Variants in INTS2 observed in about 807,000 individuals in gnomAD.
INTS2 encodes the protein integrator complex subunit 2.
INTS2 carries 57 observed loss-of-function variants against 139.6 expected under a neutral mutation model. The observed-to-expected ratio is 0.41, with a 90% confidence interval of 0.33 to 0.51. The LOEUF is 0.51. INTS2 is among the 20% of genes least tolerant of loss of function. INTS2 has a pLI of 0.28. For synonymous variants in INTS2, 473 were observed against 493.4 expected, an observed-to-expected ratio of 0.96 and a Z score of 0.55; for missense variants, 1,196 against 1,436.7, an observed-to-expected ratio of 0.83 and a Z score of 2.71.
intron 14 of INTS2, 57 bp downstream of exon 14, chr17:61,891,456 A>T (rs1030642822): frequency 7.6e-7 from 1 of 1,308,424 alleles, no homozygotes. Context: ...ATATGGGTTA[A>T]GTAAGAAGAA....
chr17:61,896,968 T>C (rs531879719), intron 11 of INTS2, among the ~76,000 whole-genome samples: 126 of 152,258 alleles, frequency 8.3e-4, no homozygotes, highest in African/African-American at 2.7e-3. Flanking sequence ...TGGGTGCCTA[T>C]GTGTGTATTT....
chr17:61,894,810 T>C (rs12600909), intron 12 of INTS2, among the ~76,000 whole-genome samples: 25,556 of 151,348 alleles, frequency 0.17, 2,537 homozygotes, highest in East Asian at 0.53. Context: ...ACCATACCAC[T>C]GTATACTAGC....
Position 61,882,290 on chromosome 17 carries a change from C to T in INTS2, c.2090-1119G>A, listed in dbSNP as rs2079184784. On this transcript the variant is annotated intron_variant, in intron 16 of 24. Coordinates refer to ENST00000251334, the MANE Select transcript of INTS2 (RefSeq NM_001351695.2). This position sits in a 1 kb window ranked among gnomAD's most constrained non-coding sequence, Gnocchi z 4.7. ...GCCAAGAGAAGCAGTACTGATGATA[C>T]CCACAATGGGGGGCATTTTTTCTTG... Among the ~76,000 whole-genome samples, 1 of 152,254 alleles carries T rather than the reference C, an allele frequency of 6.6e-6. No homozygotes were observed. Among genetic ancestry groups the T allele is most frequent in the South Asian group, 2.1e-4 (1 of 4,818 alleles).
At chr17:61,921,898 T>C in intron 3 of INTS2, 71 bp from the exon 4 acceptor site, 1 of 785,100 alleles carries the variant, frequency 1.3e-6, no homozygotes, top group African/African-American at 1.8e-5. Context: ...TTTATAATTA[T>C]TTCTTGAGCT....
chr17:61,921,709 G>A lies in INTS2; in HGVS notation c.535+16C>T, dbSNP rs747861363. 2 of 1,265,260 alleles carry A rather than the reference G, an allele frequency of 1.6e-6. No homozygotes were observed. The highest frequency in any genetic ancestry group is 4.3e-5 in the Admixed American group (2 of 46,932). The allele number at this position is 1,265,260 out of a possible 1,614,324, so 78.4% of individuals were successfully genotyped here. A position where few individuals can be genotyped will look rare whatever the true frequency, so the allele number is the denominator to read the frequency against. On this transcript the variant is annotated intron_variant, in intron 4 of 24. Transcript: ENST00000251334. ...GAAACTATATATGAAATCCATCTTA[G>A]CACTCAGTACAGTACCTGCTTGTAA...
intron 8 of INTS2, among the ~76,000 whole-genome samples, chr17:61,905,627 T>TA (rs766060036): frequency 3.3e-5 from 5 of 152,206 alleles, no homozygotes; most frequent in East Asian, 1.9e-4. Flanking sequence ...TGCCCGGTCT[T>TA]AAAGTTTTTT....
chr17:61,881,240 AT>A, intron 16 of INTS2, 69 bp from the exon 17 acceptor site: 2 of 1,204,810 alleles, frequency 1.7e-6, no homozygotes, highest in South Asian at 1.4e-5. Context: ...CACCCCTCTC[AT>A]TTTTATCAAG....
At position 61,870,135 on chromosome 17, in the gene INTS2, G is replaced by A; in HGVS notation, c.2779-147C>T. 1 of 761,408 alleles carries A rather than the reference G, an allele frequency of 1.3e-6. No homozygotes were observed. Among genetic ancestry groups the A allele is most frequent in the Non-Finnish European group, 2.1e-6 (1 of 487,072 alleles). The allele number at this position is 761,408 out of a possible 1,614,324, so 47.2% of individuals were successfully genotyped here. A position where few individuals can be genotyped will look rare whatever the true frequency, so the allele number is the denominator to read the frequency against. ...AAGAGGTACTTCTAAGAGCAGAACT[G>A]AGCAATCTGTAGAGCAGTGGTTCTC... is the stretch of plus-strand genomic sequence containing the variant. On this transcript the variant is annotated intron_variant, in intron 20 of 24. Transcript: ENST00000251334. This position sits in a 1 kb window ranked among gnomAD's most constrained non-coding sequence, Gnocchi z 4.4.
At chr17:61,913,001 G>A (rs770342167) in intron 5 of INTS2, among the ~76,000 whole-genome samples, 5 of 151,378 alleles carry the variant, frequency 3.3e-5, no homozygotes, top group Non-Finnish European at 7.4e-5. Flanking sequence ...ACTTGAACCC[G>A]GGAGGTGGAA....
rs1422512466 is a variant in INTS2, at chr17:61,872,178, G to A, written c.2778+87C>T. Reference sequence around the variant, plus strand: ...ACAATATGTCACCAATGTACATGGAGCGCACAATGTGCCATCTATTGAACT... The same window carrying A: ...ACAATATGTCACCAATGTACATGGAACGCACAATGTGCCATCTATTGAACT... On this transcript the variant is annotated intron_variant, in intron 20 of 24. Transcript: ENST00000251334. The surrounding 1 kb of genome is among the most constrained non-coding windows in gnomAD (Gnocchi z 4.8). The A allele has an allele frequency of 5.6e-6, 4 of 717,842 alleles. No individual in the cohort carries two copies. In the Admixed American group the frequency reaches 7.9e-5, roughly 14 times the overall value. 44.5% of individuals were successfully genotyped at this position (717,842 alleles called of 1,614,324 possible).
At chr17:61,874,834 T>G in intron 19 of INTS2, 79 bp downstream of exon 19, 1 of 1,194,060 alleles carries the variant, frequency 8.4e-7, no homozygotes, top group South Asian at 2.5e-5. Context: ...AAATATAAGT[T>G]TAAACTGAAT....
chr17:61,897,776 T>C lies in INTS2; in HGVS notation c.1308-37A>G. On this transcript the variant is annotated intron_variant, in intron 9 of 24. Transcript: ENST00000251334. The surrounding 1 kb of genome is among the most constrained non-coding windows in gnomAD (Gnocchi z 4.4). Reference sequence around the variant, plus strand: ...ATACCAGAATGTCACTGGTTTAAATTAGATATACTAGCATATGAATAAAAA... The same window carrying C: ...ATACCAGAATGTCACTGGTTTAAATCAGATATACTAGCATATGAATAAAAA... 1 of 1,298,424 alleles carries C rather than the reference T, an allele frequency of 7.7e-7. No individual in the cohort carries two copies. Among genetic ancestry groups the C allele is most frequent in the Non-Finnish European group, 1.1e-6 (1 of 914,470 alleles). The allele number at this position is 1,298,424 out of a possible 1,614,324, so 80.4% of individuals were successfully genotyped here. A position where few individuals can be genotyped will look rare whatever the true frequency, so the allele number is the denominator to read the frequency against.
At chr17:61,926,028 A>C (rs1024814104) in intron 2 of INTS2, among the ~76,000 whole-genome samples, 1 of 148,716 alleles carries the variant, frequency 6.7e-6, no homozygotes, top group Admixed American at 6.6e-5. Flanking sequence ...CTCTGTCTCA[A>C]AAAAGAAAAA....
intron 14 of INTS2, among the ~76,000 whole-genome samples, chr17:61,890,977 C>A: frequency 1.1e-5 from 1 of 90,066 alleles, no homozygotes; most frequent in East Asian, 3.2e-4. Context: ...AGCAAGACTC[C>A]AGTCTCAAAA....
intron 14 of INTS2, 67 bp downstream of exon 14, chr17:61,891,446 A>G (rs868865913): frequency 8.2e-7 from 1 of 1,217,630 alleles, no homozygotes; most frequent in African/African-American, 1.5e-5. Flanking sequence ...GAAAATAAAA[A>G]TATGGGTTAA....
intron 15 of INTS2, among the ~76,000 whole-genome samples, chr17:61,885,895 A>C (rs1370318679): frequency 1.3e-5 from 2 of 149,512 alleles, no homozygotes; most frequent in African/African-American, 5.0e-5. Context: ...CGCCCATCTA[A>C]TTTTTTGTAT....
intron 19 of INTS2, 29 bp downstream of exon 19, chr17:61,874,884 A>C (rs574397017): frequency 2.0e-6 from 3 of 1,517,152 alleles, no homozygotes; most frequent in East Asian, 2.4e-5. Context: ...ACAGCTCTAT[A>C]ATAAAAATGA....
In INTS2 at chr17:61,889,802, T is replaced by C; in HGVS notation, c.1968A>G (p.Ala656=). 2 of 1,588,046 alleles carry C rather than the reference T, an allele frequency of 1.3e-6. No homozygotes were observed. Among genetic ancestry groups the C allele is most frequent in the Non-Finnish European group, 1.7e-6 (2 of 1,157,794 alleles). ...YILSYEEALL[A]NTKTLAAMQR... The stretch of plus-strand genomic sequence containing the variant: ...ACAACTTACCTAAAGTCTTCGTGTT[T>C]GCTAGAAGAGCCTCTTCATAAGACA... The change falls in exon 15 of 25, where the codon GCA becomes GCG. Residue 656 remains alanine (A), a synonymous_variant. Transcript: ENST00000251334.
chr17:61,920,121 C>T (rs1447753631), intron 4 of INTS2, among the ~76,000 whole-genome samples: 1 of 150,146 alleles, frequency 6.7e-6, no homozygotes, highest in African/African-American at 2.5e-5. Flanking sequence ...TAGAACAGTA[C>T]AGGAAATTTT....
Sources: gnomAD v4.1 joint callset for allele counts (sites outside exome capture counted in the v4.1 genomes callset) on GRCh38, gnomAD v4.1.1 for gene constraint, Gnocchi (gnomAD v3.1) non-coding constraint, MANE v1.5 for transcripts, NCBI Gene and HGNC (gene_info 2026-07-23, HGNC 2026-07-21) for gene names.